The following TG variants were observed in gnomAD, a reference collection of about 807,000 sequenced individuals.
The protein encoded by TG is thyroglobulin, also known as thyroid hormones.
Under a neutral mutation model 324.7 loss-of-function variants are expected in TG, and 270 were observed. The ratio of observed to expected loss-of-function variants is 0.83; its 90% CI spans 0.75 to 0.92. TG has a LOEUF of 0.92. Ranked by LOEUF, TG falls within the 40% of genes least tolerant of loss-of-function variation. The probability of loss-of-function intolerance (pLI) is 0.00; values close to 1 mark genes in which losing one functional copy is unlikely to be tolerated. For missense variants in TG, 3,591 were observed against 3,456.4 expected (o/e 1.04, Z -0.98); for synonymous variants, 1,401 against 1,327.0 (o/e 1.06, Z -1.21).
In TG at chr8:133,012,041, G is replaced by C. The variant is rs1458113943; in HGVS notation, c.6397+6G>C. On this transcript the variant is annotated splice_donor_region_variant and intron_variant, in intron 36 of 47. Coordinates refer to ENST00000220616, the MANE Select transcript of TG (RefSeq NM_003235.5). Reference sequence around the variant, plus strand: ...CCGAGACCTCTGTTTGTCGGGTAAGGGGAGTTTCCAACCCACAGGTTGGGT... The same window carrying C: ...CCGAGACCTCTGTTTGTCGGGTAAGCGGAGTTTCCAACCCACAGGTTGGGT... 6.2e-7 allele frequency: 1 copy of C among 1,614,130 alleles called. No homozygotes were observed. The highest frequency in any genetic ancestry group is 2.2e-5 in the East Asian group (1 of 44,876).
At chr8:132,998,637 C>T (rs1001944821) in intron 35 of TG, among the ~76,000 whole-genome samples, 5 of 152,134 alleles carry the variant, frequency 3.3e-5, no homozygotes, top group East Asian at 3.9e-4. Context: ...TGGGTGGGAG[C>T]GTAGAAATCA....
intron 9 of TG, 34 bp downstream of exon 9, chr8:132,887,582 C>T: frequency 6.2e-7 from 1 of 1,614,070 alleles, no homozygotes; most frequent in Non-Finnish European, 8.5e-7. Flanking sequence ...TGTAGGTTCC[C>T]TGAGTCTCTC....
intron 35 of TG, chr8:133,002,884 T>A: frequency 2.4e-6 from 1 of 415,912 alleles, no homozygotes. Context: ...GGGAACATTG[T>A]AAACGCTTCC....
Position 132,913,164 on chromosome 8 carries a change from A to C in TG, c.4277A>C (p.Gln1426Pro), listed in dbSNP as rs1372165310. ...CCAGCGGAAACCATCCGCTTCCTCC[A>C]AGGGGACCACTTTGGCACCTCTCCC... ...TFPAETIRFL[Q>P]GDHFGTSPRT... is the part of the protein sequence containing the mutation. Residue 1426 changes from glutamine to proline, a missense_variant, in exon 20 of 48, where the codon CAA (glutamine) becomes CCA (proline). Physicochemically the swap from Gln to Pro is moderately conservative, Grantham distance 76. Transcript: ENST00000220616. The C allele has an allele frequency of 6.2e-6, 10 of 1,613,978 alleles. No homozygotes were observed. In the East Asian group the frequency reaches 2.0e-4, roughly 32 times the overall value.
rs192475029 is a variant in TG, at chr8:133,088,949, A to G, written c.7240-6095A>G. Among the ~76,000 whole-genome samples, 7 of 152,368 alleles carry G rather than the reference A, an allele frequency of 4.6e-5. No individual in the cohort carries two copies. In the East Asian group the frequency reaches 1.3e-3, roughly 29 times the overall value. On this transcript the variant is annotated intron_variant, in intron 41 of 47. Transcript: ENST00000220616. ...AAATATAAACTTGGATGTTTAAAAA[A>G]AGTCCATCTGTGCTTTAGCTTCCAG...
At chr8:133,119,808 T>C (rs1293346064) in intron 45 of TG, among the ~76,000 whole-genome samples, 5 of 152,230 alleles carry the variant, frequency 3.3e-5, no homozygotes, top group African/African-American at 1.2e-4. Context: ...GCGGCTTCTC[T>C]GAGCCTCAGA....
intron 22 of TG, among the ~76,000 whole-genome samples, chr8:132,925,863 A>G (rs1448896151): frequency 6.6e-6 from 1 of 152,180 alleles, no homozygotes; most frequent in Non-Finnish European, 1.5e-5. Context: ...CCCAGTGTTC[A>G]GGGCAGAAAG....
rs185061531 is a variant in TG, at chr8:132,900,308, G to A, written c.3402G>A (p.Glu1134=). Reference sequence around the variant, plus strand: ...GTGTGGACCCTGCATCAGGAGAAGAGTTGCGGCCTGGCTCGAGCAGCAGTG... The same window carrying A: ...GTGTGGACCCTGCATCAGGAGAAGAATTGCGGCCTGGCTCGAGCAGCAGTG... ...TWCVDPASGE[E]LRPGSSSSAQ... is the part of the protein sequence containing the mutation. Residue 1134 remains glutamate (E), a synonymous_variant, in exon 15 of 48, where the codon GAG becomes GAA. Coordinates refer to ENST00000220616, the MANE Select transcript of TG (RefSeq NM_003235.5). The A allele has an allele frequency of 2.5e-6, 4 of 1,613,834 alleles. No individual in the cohort carries two copies.
intron 20 of TG, among the ~76,000 whole-genome samples, chr8:132,915,885 C>G (rs1211217743): frequency 6.6e-6 from 1 of 152,200 alleles, no homozygotes; most frequent in Non-Finnish European, 1.5e-5. Context: ...TCCTCTTACT[C>G]CAAAGGGTTG....
chr8:132,881,800 A>G lies in TG; in HGVS notation c.639-63A>G. 4.3e-6 allele frequency: 5 copies of G among 1,166,498 alleles called. No homozygotes were observed. The South Asian group carries it at 6.1e-5, about 14-fold the overall frequency. 72.3% of individuals were successfully genotyped at this position (1,166,498 alleles called of 1,614,324 possible). ...CGTGGACTTGGCCACATTTATTTCT[A>G]CAGGAAAAGCTTGTGATGACTTGCC... On this transcript the variant is annotated intron_variant, in intron 5 of 47. Transcript: ENST00000220616.
At chr8:132,882,068 G>T in intron 6 of TG, 99 bp downstream of exon 6, 9 of 869,804 alleles carry the variant, frequency 1.0e-5, no homozygotes, top group Non-Finnish European at 1.7e-5. Flanking sequence ...TAGAGTGACT[G>T]CCTGCCCCCT....
intron 34 of TG, among the ~76,000 whole-genome samples, chr8:132,982,748 A>T (rs10105189): frequency 6.6e-6 from 1 of 151,938 alleles, no homozygotes; most frequent in East Asian, 1.9e-4. Flanking sequence ...GTAGTACTAA[A>T]CTCATTGTAC....
intron 5 of TG, among the ~76,000 whole-genome samples, chr8:132,880,692 C>T (rs1159255756): frequency 1.3e-5 from 2 of 152,136 alleles, no homozygotes; most frequent in Non-Finnish European, 2.9e-5. Flanking sequence ...AAGCCAGGCT[C>T]TCAGCAATTA....
chr8:133,097,644 T>C (rs183564164), intron 43 of TG, among the ~76,000 whole-genome samples: 5 of 152,360 alleles, frequency 3.3e-5, no homozygotes, highest in Admixed American at 3.3e-4. Flanking sequence ...TGTGTATATT[T>C]GTATGTTTTT....
intron 41 of TG, chr8:133,049,091 A>G: frequency 6.7e-6 from 3 of 451,058 alleles, no homozygotes; most frequent in Non-Finnish European, 1.3e-5. Context: ...CTTTTACAGG[A>G]CCCTCACATG....
At chr8:133,118,267 C>A (rs1054238055) in intron 45 of TG, among the ~76,000 whole-genome samples, 6 of 150,068 alleles carry the variant, frequency 4.0e-5, no homozygotes, top group African/African-American at 1.5e-4. Flanking sequence ...AAAGGGCATT[C>A]TCATTTCTCC....
chr8:132,947,739 A>C (rs1825527524), intron 26 of TG, among the ~76,000 whole-genome samples: 1 of 152,186 alleles, frequency 6.6e-6, no homozygotes. Context: ...ATCCTCAAGC[A>C]GCTTAATTAA....
At chr8:132,885,099 G>A (rs1349170441) in intron 8 of TG, among the ~76,000 whole-genome samples, 2 of 145,398 alleles carry the variant, frequency 1.4e-5, no homozygotes, top group Non-Finnish European at 3.0e-5. Flanking sequence ...GCATTTATGT[G>A]AATCAAGAGG....
chr8:132,959,507 G>C (rs1311583449), intron 27 of TG, among the ~76,000 whole-genome samples: 1 of 152,158 alleles, frequency 6.6e-6, no homozygotes, highest in Non-Finnish European at 1.5e-5. Flanking sequence ...GACTTTTTTT[G>C]TATGAAAAAT....
Sources: allele counts gnomAD v4.1 joint callset (sites outside exome capture counted in the v4.1 genomes callset), GRCh38; gene constraint gnomAD v4.1.1; transcripts MANE v1.5; gene names NCBI Gene and HGNC (gene_info 2026-07-23, HGNC 2026-07-21).